The following DOCK4 variants were observed in gnomAD, a reference collection of about 807,000 sequenced individuals.
DOCK4 encodes the protein dedicator of cytokinesis 4, also known as dedicator of cytokinesis protein 4.
Under a neutral mutation model 268.1 loss-of-function variants are expected in DOCK4, and 97 were observed. That is an observed-to-expected ratio of 0.36 (90% CI 0.31 to 0.43). The LOEUF (loss-of-function observed/expected upper bound fraction) is 0.43. Ranked by LOEUF, DOCK4 falls within the 20% of genes least tolerant of loss-of-function variation. DOCK4 has a pLI of 1.00. For missense variants in DOCK4, 2,145 were observed against 2,455.7 expected (o/e 0.87, Z 2.67); for synonymous variants, 954 against 887.2 (o/e 1.08, Z -1.34).
chr7:112,066,704 T>TACAC (rs1563052305), intron 1 of DOCK4, among the ~76,000 whole-genome samples: 1 of 52,082 alleles, frequency 1.9e-5, no homozygotes, highest in African/African-American at 6.5e-5. Flanking sequence ...TATATATATA[T>TACAC]ATATATATAT....
chr7:111,945,199 T>C (rs547469815), intron 9 of DOCK4, among the ~76,000 whole-genome samples: 160 of 152,304 alleles, frequency 1.1e-3, no homozygotes, highest in Middle Eastern at 6.8e-3. Flanking sequence ...GTTTTTTGTT[T>C]TTGGAGATGG....
intron 1 of DOCK4, among the ~76,000 whole-genome samples, chr7:112,188,590 G>C (rs1819657134): frequency 6.6e-6 from 1 of 152,108 alleles, no homozygotes; most frequent in Non-Finnish European, 1.5e-5. Context: ...TACGTGTCTG[G>C]AACACGCAAT....
At chr7:112,115,227 GA>G (rs1266163183) in intron 1 of DOCK4, among the ~76,000 whole-genome samples, 1 of 152,060 alleles carries the variant, frequency 6.6e-6, no homozygotes, top group Non-Finnish European at 1.5e-5. Flanking sequence ...AATATATACA[GA>G]AAAAAATCTA....
intron 1 of DOCK4, among the ~76,000 whole-genome samples, chr7:112,011,746 C>CAAAAAAAAAAAAAAAAAAAAAAAAA (rs1302082225): frequency 1.8e-5 from 1 of 56,358 alleles, no homozygotes; most frequent in African/African-American, 6.3e-5. Context: ...AACTGAAGGT[C>CAAAAAAAAAAAAAAAAAAAAAAAAA]AAAAAAAAAA....
chr7:111,969,438 AAAC>A lies in DOCK4; in HGVS notation c.701+7691_701+7693del, dbSNP rs1472147852. ...AATAAACTCATTTTTTCTATTAAAA[AAAC>A]AAAAAAACAAAAAAACAGTGATTTG... On this transcript the variant is annotated intron_variant, in intron 8 of 52. Transcript: ENST00000428084. Among the ~76,000 whole-genome samples, 682 of 132,516 alleles carry A rather than the reference AAAC, an allele frequency of 5.1e-3. 10 individuals are homozygous for A. The highest frequency in any genetic ancestry group is 0.021 in the African/African-American group (608 of 28,860). The allele number at this position is 132,516 out of a possible 152,430, so 86.9% of individuals were successfully genotyped here. A position where few individuals can be genotyped will look rare whatever the true frequency, so the allele number is the denominator to read the frequency against.
At chr7:111,881,299 A>G (rs1347551031) in intron 16 of DOCK4, among the ~76,000 whole-genome samples, 1 of 152,224 alleles carries the variant, frequency 6.6e-6, no homozygotes, top group East Asian at 1.9e-4. Context: ...AGATACACAC[A>G]TGGCAAACAG....
chr7:112,095,004 TA>T (rs2135780651), intron 1 of DOCK4, among the ~76,000 whole-genome samples: 1 of 152,302 alleles, frequency 6.6e-6, no homozygotes, highest in Non-Finnish European at 1.5e-5. Flanking sequence ...CTCCTTTCTT[TA>T]TAAATTACCC....
intron 1 of DOCK4, among the ~76,000 whole-genome samples, chr7:112,046,149 G>A (rs533434801): frequency 6.6e-6 from 1 of 152,162 alleles, no homozygotes; most frequent in East Asian, 1.9e-4. Context: ...GGCATTTACT[G>A]GATTCTGTGA....
At chr7:112,145,719 G>C (rs1387627252) in intron 1 of DOCK4, among the ~76,000 whole-genome samples, 1 of 151,982 alleles carries the variant, frequency 6.6e-6, no homozygotes, top group African/African-American at 2.4e-5. Flanking sequence ...GCACATGAGG[G>C]ATGATTCTGG....
chr7:112,109,744 C>CTTTTT (rs36043991), intron 1 of DOCK4, among the ~76,000 whole-genome samples: 1 of 115,182 alleles, frequency 8.7e-6, no homozygotes, highest in Non-Finnish European at 1.8e-5. Flanking sequence ...GTAAAATCAT[C>CTTTTT]TTTTTTTTTT....
At chr7:111,763,622 CAAT>C (rs1214859114) in intron 39 of DOCK4, among the ~76,000 whole-genome samples, 2 of 152,120 alleles carry the variant, frequency 1.3e-5, no homozygotes, top group African/African-American at 4.8e-5. Context: ...ACTCTGCCAA[CAAT>C]GTCATGTCTG....
intron 1 of DOCK4, among the ~76,000 whole-genome samples, chr7:112,030,176 C>A (rs1171956411): frequency 1.3e-5 from 2 of 152,290 alleles, no homozygotes; most frequent in East Asian, 3.9e-4. Context: ...TAAGCCTAAA[C>A]TAGCATTTGG....
intron 36 of DOCK4, among the ~76,000 whole-genome samples, chr7:111,773,333 A>G (rs1228276327): frequency 6.6e-6 from 1 of 152,232 alleles, no homozygotes; most frequent in Non-Finnish European, 1.5e-5. Flanking sequence ...ATAAAATGTT[A>G]CATGGGAAAA....
intron 1 of DOCK4, among the ~76,000 whole-genome samples, chr7:112,004,486 G>A (rs758263693): frequency 1.4e-4 from 22 of 152,036 alleles, no homozygotes; most frequent in African/African-American, 3.1e-4. Flanking sequence ...TCCAAATGCC[G>A]GGCCCATAGT....
At chr7:112,198,040 CA>C (rs1455968587) in intron 1 of DOCK4, among the ~76,000 whole-genome samples, 1 of 151,436 alleles carries the variant, frequency 6.6e-6, no homozygotes, top group Non-Finnish European at 1.5e-5. Flanking sequence ...GCACCCAAGC[CA>C]AAAACAGGAA....
chr7:112,126,891 A>G (rs1437421931), intron 1 of DOCK4, among the ~76,000 whole-genome samples: 1 of 152,064 alleles, frequency 6.6e-6, no homozygotes, highest in East Asian at 1.9e-4. Context: ...AATGGCAATC[A>G]TTAAAAAGTC....
chr7:112,016,130 A>C (rs1801788686), intron 1 of DOCK4, among the ~76,000 whole-genome samples: 1 of 152,228 alleles, frequency 6.6e-6, no homozygotes, highest in African/African-American at 2.4e-5. Context: ...CACTTGTCCA[A>C]CTAATGTCAT....
rs965654632 is a variant in DOCK4, at chr7:111,748,724, A to G, written c.4417-1281T>C. Among the ~76,000 whole-genome samples, 12 of 139,242 alleles carry G rather than the reference A, an allele frequency of 8.6e-5. No homozygotes were observed. In the East Asian group the frequency reaches 1.7e-3, roughly 20 times the overall value. 91.3% of individuals were successfully genotyped at this position (139,242 alleles called of 152,430 possible). Reference sequence around the variant, plus strand: ...TATATATACATGTGTGTGTGTGTGTATATCGATTCAGAAATTCTAGGCATA... The same window carrying G: ...TATATATACATGTGTGTGTGTGTGTGTATCGATTCAGAAATTCTAGGCATA... On this transcript the variant is annotated intron_variant, in intron 42 of 52. Coordinates refer to ENST00000428084, the MANE Select transcript of DOCK4 (RefSeq NM_001363540.2).
chr7:111,930,270 A>T (rs1794091270), intron 12 of DOCK4, among the ~76,000 whole-genome samples: 1 of 152,218 alleles, frequency 6.6e-6, no homozygotes. Flanking sequence ...ATTTTCTCCC[A>T]GTTTCTAAAC....
Sources: gnomAD v4.1 joint callset for allele counts (sites outside exome capture counted in the v4.1 genomes callset) on GRCh38, gnomAD v4.1.1 for gene constraint, MANE v1.5 for transcripts, NCBI Gene and HGNC (gene_info 2026-07-23, HGNC 2026-07-21) for gene names.